The following ERC2 variants were observed in gnomAD, a reference collection of about 807,000 sequenced individuals.
ERC2 encodes ELKS/RAB6-interacting/CAST family member 2.
Under a neutral mutation model 114.8 loss-of-function variants are expected in ERC2, and 42 were observed. That is an observed-to-expected ratio of 0.37 (90% CI 0.29 to 0.47). ERC2 has a LOEUF of 0.47. Among genes scored for constraint, ERC2 ranks in the 20% least tolerant of loss-of-function variants. ERC2 has a pLI of 0.99. For missense variants in ERC2, 939 were observed against 1,150.7 expected (o/e 0.82, Z 2.66); for synonymous variants, 454 against 425.5 (o/e 1.07, Z -0.82).
chr3:55,903,569 A>G (rs2064261142), intron 13 of ERC2, among the ~76,000 whole-genome samples: 1 of 152,248 alleles, frequency 6.6e-6, no homozygotes, highest in African/African-American at 2.4e-5. Flanking sequence ...CATGATACCC[A>G]GAGTTCAAGA....
chr3:56,447,356 A>G (rs1181871204), intron 1 of ERC2, among the ~76,000 whole-genome samples: 1 of 152,204 alleles, frequency 6.6e-6, no homozygotes, highest in African/African-American at 2.4e-5. Context: ...CCAGATTTGG[A>G]TGTGGGATTT....
At chr3:56,350,672 G>T (rs1280298812) in intron 2 of ERC2, among the ~76,000 whole-genome samples, 2 of 152,138 alleles carry the variant, frequency 1.3e-5, no homozygotes, top group Non-Finnish European at 2.9e-5. Flanking sequence ...AGGCCTTCAA[G>T]GGACAGTGCA....
At chr3:56,258,810 T>G (rs926899852) in intron 3 of ERC2, among the ~76,000 whole-genome samples, 22 of 152,198 alleles carry the variant, frequency 1.4e-4, no homozygotes, top group Non-Finnish European at 1.5e-5. Flanking sequence ...GCATGTATCA[T>G]AGAGAGTGCC....
At chr3:55,764,879 C>G (rs56253404) in intron 14 of ERC2, among the ~76,000 whole-genome samples, 7 of 152,236 alleles carry the variant, frequency 4.6e-5, no homozygotes, top group Middle Eastern at 6.8e-3. Context: ...TACGGGCAAA[C>G]AACAGAATAT....
intron 2 of ERC2, among the ~76,000 whole-genome samples, chr3:56,299,128 TTTG>T (rs1231511527): frequency 0.013 from 1,082 of 80,846 alleles, 34 homozygotes; most frequent in African/African-American, 0.037. Flanking sequence ...TGTTTTTTTT[TTTG>T]TTTGTTTGTT....
intron 2 of ERC2, among the ~76,000 whole-genome samples, chr3:56,307,149 C>G (rs919864500): frequency 1.3e-5 from 2 of 152,168 alleles, no homozygotes; most frequent in East Asian, 3.8e-4. Flanking sequence ...AGGATATAGT[C>G]TCATAATCAT....
intron 12 of ERC2, among the ~76,000 whole-genome samples, chr3:55,979,384 A>C (rs1441127381): frequency 6.6e-6 from 1 of 152,152 alleles, no homozygotes; most frequent in Non-Finnish European, 1.5e-5. Context: ...TAAAGTAAAA[A>C]TTTGCCAAGC....
At chr3:55,806,314 G>T (rs1367896394) in intron 14 of ERC2, among the ~76,000 whole-genome samples, 3 of 142,668 alleles carry the variant, frequency 2.1e-5, no homozygotes, top group Non-Finnish European at 4.6e-5. Context: ...CAGTCTGGGA[G>T]CAAAACTCCT....
intron 14 of ERC2, among the ~76,000 whole-genome samples, chr3:55,775,537 AAAATAAATAAATAAATAAATAAATAAAT>A (rs10659476): frequency 1.5e-5 from 2 of 133,278 alleles, no homozygotes; most frequent in African/African-American, 5.5e-5. Context: ...ACCCTGTCTC[AAAATAAATAAATAAATAAATAAATAAAT>A]AAATAAATAA....
chr3:55,598,205 T>G (rs969944224), intron 17 of ERC2, among the ~76,000 whole-genome samples: 2 of 152,386 alleles, frequency 1.3e-5, no homozygotes, highest in South Asian at 4.1e-4. Context: ...CTATTAAAAT[T>G]GACTCAAATT....
chr3:56,329,982 A>G (rs2057534304), intron 2 of ERC2, among the ~76,000 whole-genome samples: 1 of 151,560 alleles, frequency 6.6e-6, no homozygotes, highest in Non-Finnish European at 1.5e-5. Flanking sequence ...TATATTTCAA[A>G]TATACATATA....
rs138593621 is a variant in ERC2 at position 55,779,986 on chromosome 3, A to G, written c.2565-45068T>C. Among the ~76,000 whole-genome samples, 470 of 152,330 alleles carry G rather than the reference A, an allele frequency of 3.1e-3. 4 individuals carry two copies. Among genetic ancestry groups the G allele is most frequent in the African/African-American group, 0.011 (446 of 41,582 alleles). On this transcript the variant is annotated intron_variant, in intron 14 of 17. Coordinates refer to ENST00000288221, the MANE Select transcript of ERC2 (RefSeq NM_015576.3). ...AGAAAATGTTCATGAGGCATTAAAT[A>G]AAAATTCAACAATTCTTGATATAAA...
intron 14 of ERC2, among the ~76,000 whole-genome samples, chr3:55,805,567 T>C (rs2059455201): frequency 6.6e-6 from 1 of 151,618 alleles, no homozygotes; most frequent in Non-Finnish European, 1.5e-5. Flanking sequence ...TACAGCCACA[T>C]TTGGATATCA....
chr3:56,148,334 G>A (rs2081251489), intron 5 of ERC2, among the ~76,000 whole-genome samples: 2 of 151,984 alleles, frequency 1.3e-5, no homozygotes, highest in African/African-American at 4.8e-5. Context: ...CACCCAGGCT[G>A]GAGTGCAGTG....
intron 2 of ERC2, among the ~76,000 whole-genome samples, chr3:56,347,407 G>C (rs1347069757): frequency 6.6e-6 from 1 of 152,022 alleles, no homozygotes; most frequent in Admixed American, 6.6e-5. Flanking sequence ...CTGGAGGAAA[G>C]CTGGGAGGCT....
chr3:55,784,230 A>AT (rs544182357), intron 14 of ERC2, among the ~76,000 whole-genome samples: 39 of 151,292 alleles, frequency 2.6e-4, no homozygotes, highest in Middle Eastern at 6.8e-3. Flanking sequence ...TATCTTTGTG[A>AT]TTTTTTTTTC....
At chr3:55,942,400 T>C (rs2066865176) in intron 13 of ERC2, among the ~76,000 whole-genome samples, 1 of 142,100 alleles carries the variant, frequency 7.0e-6, no homozygotes, top group South Asian at 2.4e-4. Context: ...GCCATTCTCC[T>C]ACCTCAGCCT....
chr3:56,038,414 T>C (rs894611791), intron 7 of ERC2, among the ~76,000 whole-genome samples: 6 of 151,996 alleles, frequency 3.9e-5, no homozygotes, highest in African/African-American at 1.5e-4. Context: ...ATCCCAATTA[T>C]TAAAAAAATC....
intron 6 of ERC2, among the ~76,000 whole-genome samples, chr3:56,099,772 G>T: frequency 6.6e-6 from 1 of 152,260 alleles, no homozygotes; most frequent in East Asian, 1.9e-4. Context: ...ATATGTGAAG[G>T]TTTCTTTTCC....
Sources: gnomAD v4.1 joint callset for allele counts (sites outside exome capture counted in the v4.1 genomes callset) on GRCh38, gnomAD v4.1.1 for gene constraint, MANE v1.5 for transcripts, NCBI Gene and HGNC (gene_info 2026-07-23, HGNC 2026-07-21) for gene names.